APLF: variants seen among roughly 807,000 people sequenced by gnomAD.
APLF encodes the protein aprataxin and PNK-like factor.
A neutral mutation model predicts 55.6 loss-of-function variants in APLF; 61 were observed. The observed-to-expected ratio is 1.10, with a 90% CI of 0.89 to 1.36. APLF has a LOEUF of 1.36. Ranked by LOEUF, APLF falls within the 40% of genes most tolerant of loss-of-function variation. APLF has a pLI of 0.00. For synonymous variants in APLF, 207 were observed against 214.8 expected, an observed-to-expected ratio of 0.96 and a Z score of 0.32; for missense variants, 611 against 602.5, an observed-to-expected ratio of 1.01 and a Z score of -0.15.
At chr2:68,555,474 G>A (rs34744266) in intron 8 of APLF, among the ~76,000 whole-genome samples, 36,416 of 151,794 alleles carry the variant, frequency 0.24, 7,039 homozygotes, top group African/African-American at 0.54. Context: ...GAAAAAACAA[G>A]CAATCCAATC....
intron 2 of APLF, among the ~76,000 whole-genome samples, chr2:68,497,536 A>C (rs1053736526): frequency 6.6e-6 from 1 of 151,592 alleles, no homozygotes; most frequent in Non-Finnish European, 1.5e-5. Context: ...AGGCCTCCCC[A>C]GCCATGCTGT....
chr2:68,512,929 C>A (rs1044731860), intron 3 of APLF, 151 bp from the exon 4 acceptor site: 1 of 510,150 alleles, frequency 2.0e-6, no homozygotes, highest in East Asian at 3.2e-5. Context: ...AAATAAAGAA[C>A]ATATTCTAGT....
chr2:68,565,526 C>G (rs1397604859), intron 8 of APLF, among the ~76,000 whole-genome samples: 13 of 147,588 alleles, frequency 8.8e-5, no homozygotes, highest in South Asian at 4.2e-4. Context: ...TACATACATA[C>G]ATACATACAT....
Position 68,545,194 on chromosome 2 carries a change from C to T in APLF, c.1168C>T (p.Pro390Ser). 3 of 1,613,114 alleles carry T rather than the reference C, an allele frequency of 1.9e-6. No individual in the cohort carries two copies. The highest frequency in any genetic ancestry group is 2.5e-6 in the Non-Finnish European group (3 of 1,179,516). Residue 390 changes from proline (P) to serine (S), a missense_variant, in exon 8 of 10, where the codon CCT (proline) becomes TCT (serine). Pro to Ser is a moderately conservative substitution (Grantham distance 74). Coordinates refer to ENST00000303795, the MANE Select transcript of APLF (RefSeq NM_173545.3). ...TATTTGTCGCCCTCCTAGGAAGAAT[C>T]CTGTTCATTTTCAACATTTTAGCCA... ...MYGANCYRKN[P>S]VHFQHFSHPG...
At chr2:68,577,701 T>C (rs1015386482) in intron 9 of APLF, 119 bp from the exon 10 acceptor site, 2 of 1,199,150 alleles carry the variant, frequency 1.7e-6, no homozygotes, top group Non-Finnish European at 2.3e-6. Context: ...TTTGTAGTGG[T>C]AAGCTATGCA....
chr2:68,482,127 T>C (rs1675978992), intron 1 of APLF, among the ~76,000 whole-genome samples: 1 of 152,030 alleles, frequency 6.6e-6, no homozygotes, highest in Non-Finnish European at 1.5e-5. Flanking sequence ...TATTGGAGAA[T>C]TAATGTGTTC....
intron 8 of APLF, among the ~76,000 whole-genome samples, chr2:68,563,663 C>T (rs1456678613): frequency 6.6e-6 from 1 of 152,038 alleles, no homozygotes; most frequent in Non-Finnish European, 1.5e-5. Flanking sequence ...CCTTAGGTTT[C>T]ATTACTGTAC....
chr2:68,576,165 A>G (rs1385843959), intron 9 of APLF, among the ~76,000 whole-genome samples: 2 of 152,162 alleles, frequency 1.3e-5, no homozygotes, highest in East Asian at 3.8e-4. Flanking sequence ...ATGTTATGTG[A>G]TAATGTGCAT....
At chr2:68,490,002 G>A (rs770297460) in intron 1 of APLF, among the ~76,000 whole-genome samples, 188 bp from the exon 2 acceptor site, 17 of 151,720 alleles carry the variant, frequency 1.1e-4, no homozygotes, top group Non-Finnish European at 2.2e-4. Flanking sequence ...ACTTTGGGCA[G>A]GTTTTTTTAA....
At chr2:68,517,323 T>C (rs1398323162) in intron 5 of APLF, among the ~76,000 whole-genome samples, 1 of 68,630 alleles carries the variant, frequency 1.5e-5, no homozygotes, top group Non-Finnish European at 2.7e-5. Flanking sequence ...TATTAATATA[T>C]GTCATTACTA....
rs554676932 is a variant in APLF at position 68,525,612 on chromosome 2, G to A, written c.623-449G>A. ...GGCATCTCAGCCTGGTAGAATGCAC[G>A]GCTGGAGCTCTTGGCCATTTTGCTG... On this transcript the variant is annotated intron_variant, in intron 5 of 9. Coordinates refer to ENST00000303795, the MANE Select transcript of APLF (RefSeq NM_173545.3). Among the ~76,000 whole-genome samples, 11 of 152,072 alleles carry A rather than the reference G, an allele frequency of 7.2e-5. No individual in the cohort carries two copies. In the South Asian group the frequency reaches 2.3e-3, roughly 31 times the overall value.
At chr2:68,551,756 T>A (rs1670873393) in intron 8 of APLF, among the ~76,000 whole-genome samples, 1 of 149,330 alleles carries the variant, frequency 6.7e-6, no homozygotes, top group Non-Finnish European at 1.5e-5. Context: ...TTCTGCTTCT[T>A]TTTTTTTTTT....
chr2:68,484,563 A>G (rs1398661024), intron 1 of APLF, among the ~76,000 whole-genome samples: 1 of 151,994 alleles, frequency 6.6e-6, no homozygotes, highest in Non-Finnish European at 1.5e-5. Flanking sequence ...ATGGTGGCGC[A>G]TGCCTGTAAT....
At chr2:68,489,869 G>C (rs35682733) in intron 1 of APLF, among the ~76,000 whole-genome samples, 33,935 of 151,908 alleles carry the variant, frequency 0.22, 5,800 homozygotes, top group African/African-American at 0.49. Context: ...CAGACTTTTC[G>C]TATTTTATGA....
intron 2 of APLF, among the ~76,000 whole-genome samples, chr2:68,495,692 G>A (rs1190855611): frequency 1.3e-5 from 2 of 152,234 alleles, no homozygotes; most frequent in South Asian, 2.1e-4. Context: ...AAGTTCTCTT[G>A]TAAGGGATTT....
At chr2:68,511,495 G>T (rs1295299538) in intron 3 of APLF, among the ~76,000 whole-genome samples, 1 of 151,382 alleles carries the variant, frequency 6.6e-6, no homozygotes, top group Non-Finnish European at 1.5e-5. Context: ...AATTACATAT[G>T]GACTATAGAG....
intron 5 of APLF, among the ~76,000 whole-genome samples, chr2:68,519,099 TAATATAA>T (rs1284800510): frequency 2.3e-5 from 3 of 132,820 alleles, no homozygotes; most frequent in East Asian, 2.0e-4. Context: ...TAATATATAA[TAATATAA>T]TATATAATAT....
At chr2:68,479,672 C>T (rs888203113) in intron 1 of APLF, among the ~76,000 whole-genome samples, 3 of 152,100 alleles carry the variant, frequency 2.0e-5, no homozygotes, top group Non-Finnish European at 4.4e-5. Flanking sequence ...TGAAACTAAA[C>T]AAATGGTGGA....
chr2:68,467,907 G>C (rs1675481447), intron 1 of APLF, 80 bp downstream of exon 1: 2 of 1,115,044 alleles, frequency 1.8e-6, no homozygotes, highest in East Asian at 6.4e-5. Flanking sequence ...CCTAGTCCTG[G>C]CCGGTTTCCC....
Sources: gnomAD v4.1 joint callset for allele counts (sites outside exome capture counted in the v4.1 genomes callset) on GRCh38, gnomAD v4.1.1 for gene constraint, MANE v1.5 for transcripts, NCBI Gene and HGNC (gene_info 2026-07-23, HGNC 2026-07-21) for gene names.